VPS35: variants seen among roughly 807,000 people sequenced by gnomAD.
VPS35 encodes vacuolar protein sorting-associated protein 35.
Under a neutral mutation model 98.1 loss-of-function variants are expected in VPS35, and 21 were observed. The observed-to-expected ratio is 0.21, with a 90% CI of 0.15 to 0.31. The LOEUF (loss-of-function observed/expected upper bound fraction) is 0.31. Among genes scored for constraint, VPS35 ranks in the 10% least tolerant of loss-of-function variants. VPS35 has a pLI of 1.00. For synonymous variants in VPS35, 268 were observed against 318.2 expected (o/e 0.84, Z 1.68); for missense variants, 554 against 950.8 (o/e 0.58, Z 5.49).
chr16:46,671,629 T>C (rs1434986640), intron 12 of VPS35, 76 bp downstream of exon 12: 1 of 1,586,938 alleles, frequency 6.3e-7, no homozygotes, highest in East Asian at 2.2e-5. Context: ...AGAAAGTGAA[T>C]TAAACCATTT....
At chr16:46,662,131 G>T in intron 15 of VPS35, 112 bp downstream of exon 15, 1 of 1,578,636 alleles carries the variant, frequency 6.3e-7, no homozygotes, top group Non-Finnish European at 8.7e-7. Context: ...AAGCAATTTT[G>T]TTCATCAGAT....
rs1003489996 is a variant in VPS35 at position 46,688,902 on chromosome 16, C to T, written c.3+229G>A. The T allele has an allele frequency of 2.1e-6, 3 of 1,453,462 alleles. No individual in the cohort carries two copies. In the Admixed American group the frequency reaches 7.6e-5, roughly 37 times the overall value. The allele number at this position is 1,453,462 out of a possible 1,614,324, so 90.0% of individuals were successfully genotyped here. On this transcript the variant is annotated intron_variant, in intron 1 of 16. Transcript: ENST00000299138. ...AAGTCAACCCCACAGAGAGGCCGCC[C>T]CGTCTCTCAGCAACGGCCGCAGCCA...
intron 3 of VPS35, 173 bp from the exon 4 acceptor site, chr16:46,681,673 G>T: frequency 8.1e-6 from 6 of 739,570 alleles, no homozygotes; most frequent in Non-Finnish European, 1.3e-5. Flanking sequence ...TAAAATAAGG[G>T]TTTTAAAGCA....
Position 46,661,872 on chromosome 16 carries a change from AGGGCAGG to A in VPS35, c.2068-18_2068-12del, listed in dbSNP as rs775975311. ...CTTGCCTCCGTGAAGCTAAAATAAA[AGGGCAGG>A]GGGACAGTGAAGAGATTAATGAAAC... On this transcript the variant is annotated splice_polypyrimidine_tract_variant and intron_variant, in intron 15 of 16. Transcript: ENST00000299138. This position sits in a 1 kb window ranked among gnomAD's most constrained non-coding sequence, Gnocchi z 4.3. The A allele has an allele frequency of 6.2e-7, 1 of 1,614,124 alleles. No homozygotes were observed.
chr16:46,676,539 T>C, intron 8 of VPS35, 44 bp downstream of exon 8: 1 of 1,204,362 alleles, frequency 8.3e-7, no homozygotes, highest in Non-Finnish European at 1.2e-6. Context: ...AAATTCATTA[T>C]TCCCAAGTCA....
chr16:46,662,653 C>T (rs372228323), intron 14 of VPS35, among the ~76,000 whole-genome samples, 171 bp from the exon 15 acceptor site: 26 of 152,156 alleles, frequency 1.7e-4, no homozygotes, highest in Non-Finnish European at 3.1e-4. Flanking sequence ...ATGGTAAAAA[C>T]GCTAAAAAGT....
At chr16:46,683,208 C>G (rs1966259892) in intron 2 of VPS35, 1 of 429,918 alleles carries the variant, frequency 2.3e-6, no homozygotes, top group Non-Finnish European at 4.3e-6. Context: ...TAATTCTGGT[C>G]AGACACTGGT....
chr16:46,679,011 T>G lies in VPS35; in HGVS notation c.652A>C (p.Ile218Leu). ...KRERERQELR[I>L]LVGTNLVRLS... is the part of the protein sequence containing the mutation. ...CGCACCAAATTTGTTCCCACTAAAATTCTCAGTTCTTGTCTTTCTCGTTCT... is the reference window on the plus strand; with the variant it reads ...CGCACCAAATTTGTTCCCACTAAAAGTCTCAGTTCTTGTCTTTCTCGTTCT... Residue 218 changes from isoleucine (I) to leucine (L), a missense_variant, in exon 6 of 17, where the codon ATT becomes CTT. Physicochemically the swap from Ile to Leu is conservative, Grantham distance 5. Around this residue, in one of 5 missense-constraint regions of VPS35, gnomAD observed 77 missense variants for 222.3 expected, o/e 0.35. Coordinates refer to ENST00000299138, the MANE Select transcript of VPS35 (RefSeq NM_018206.6). The G allele has an allele frequency of 6.2e-7, 1 of 1,614,162 alleles. No homozygotes were observed. Among genetic ancestry groups the G allele is most frequent in the Non-Finnish European group, 8.5e-7 (1 of 1,180,018 alleles).
rs1378627027 is a variant in VPS35 at position 46,661,081 on chromosome 16, A to C, written c.2212-430T>G. ...AGAATTGCTTGAACCTGGGAGGCAG[A>C]GGTTGCAATGAGCTGAGATTGCCAC... On this transcript the variant is annotated intron_variant, in intron 16 of 16. Coordinates refer to ENST00000299138, the MANE Select transcript of VPS35 (RefSeq NM_018206.6). This position sits in a 1 kb window ranked among gnomAD's most constrained non-coding sequence, Gnocchi z 4.3. 1 of 305,732 alleles carries C rather than the reference A, an allele frequency of 3.3e-6. No individual in the cohort carries two copies. Among genetic ancestry groups the C allele is most frequent in the Non-Finnish European group, 6.4e-6 (1 of 156,072 alleles). The allele number at this position is 305,732 out of a possible 1,614,324, so 18.9% of individuals were successfully genotyped here.
At chr16:46,679,430 T>C (rs1258162786) in intron 5 of VPS35, among the ~76,000 whole-genome samples, 1 of 152,162 alleles carries the variant, frequency 6.6e-6, no homozygotes, top group Non-Finnish European at 1.5e-5. Flanking sequence ...ACTTCCTTAA[T>C]TGAAAAAGGC....
chr16:46,677,640 A>G, intron 6 of VPS35: 1 of 473,830 alleles, frequency 2.1e-6, no homozygotes. Flanking sequence ...GGCTCAAGTC[A>G]TCCTCCCACC....
intron 1 of VPS35, chr16:46,688,583 C>G: frequency 2.0e-6 from 2 of 996,884 alleles, no homozygotes; most frequent in Non-Finnish European, 2.4e-6. Flanking sequence ...GTAAGCAGGT[C>G]CCCAGAACTC....
chr16:46,682,038 G>C (rs544897620), intron 3 of VPS35, 41 bp downstream of exon 3: 38 of 1,503,648 alleles, frequency 2.5e-5, no homozygotes, highest in South Asian at 2.5e-4. Context: ...TCAAGAAAAA[G>C]GTATGGTCCA....
At chr16:46,677,585 G>C (rs1966170965) in intron 6 of VPS35, 187 bp from the exon 7 acceptor site, 2 of 580,974 alleles carry the variant, frequency 3.4e-6, no homozygotes, top group East Asian at 3.1e-5. Context: ...GCCCAGGCTG[G>C]AGTGAAGTGG....
intron 12 of VPS35, 144 bp from the exon 13 acceptor site, chr16:46,669,196 C>T (rs748858296): frequency 1.8e-5 from 19 of 1,027,738 alleles, no homozygotes; most frequent in Non-Finnish European, 2.8e-5. Flanking sequence ...TTACATATTT[C>T]TTATCTCCTC....
intron 13 of VPS35, among the ~76,000 whole-genome samples, chr16:46,664,758 T>TGAA (rs1308440941): frequency 6.6e-6 from 1 of 151,952 alleles, no homozygotes; most frequent in Non-Finnish European, 1.5e-5. Flanking sequence ...CGACCTCAGG[T>TGAA]GATCCGCCTG....
intron 12 of VPS35, among the ~76,000 whole-genome samples, chr16:46,669,432 G>A (rs922455307): frequency 5.3e-5 from 8 of 152,164 alleles, no homozygotes; most frequent in South Asian, 4.1e-4. Context: ...TTGGGAGGCC[G>A]AAGGTGGACA....
intron 13 of VPS35, among the ~76,000 whole-genome samples, chr16:46,664,670 C>T (rs1408616239): frequency 3.9e-5 from 6 of 151,916 alleles, no homozygotes; most frequent in South Asian, 2.1e-4. Context: ...TACAGGCATG[C>T]GCCACCACAC....
rs991640359 is a variant in VPS35 at position 46,658,775 on chromosome 16, T to C, written c.*1697A>G. ...ATTTGATACATTTTAGTGGTACTAA[T>C]TTTATAACTTTGGGAAACATCTGTT... On this transcript the variant is annotated 3_prime_UTR_variant, in exon 17 of 17. Transcript: ENST00000299138. The C allele has an allele frequency of 6.6e-6, 1 of 152,234 alleles. No individual in the cohort carries two copies. Among genetic ancestry groups the C allele is most frequent in the Non-Finnish European group, 1.5e-5 (1 of 68,032 alleles). The allele number at this position is 152,234 out of a possible 1,614,324, so 9.4% of individuals were successfully genotyped here.
Sources: allele counts gnomAD v4.1 joint callset (sites outside exome capture counted in the v4.1 genomes callset), GRCh38; gene constraint gnomAD v4.1.1; regional missense constraint gnomAD v4.1.1; non-coding constraint Gnocchi (gnomAD v3.1); transcripts MANE v1.5; gene names NCBI Gene and HGNC (gene_info 2026-07-23, HGNC 2026-07-21).